Variants in TBC1D4 observed in about 807,000 individuals in gnomAD.
TBC1D4 encodes TBC1 domain family member 4.
TBC1D4 carries 121 observed loss-of-function variants against 142.5 expected under a neutral mutation model. The observed-to-expected ratio is 0.85, with a 90% CI of 0.73 to 0.99. TBC1D4 has a LOEUF of 0.99. Ranked by LOEUF, TBC1D4 falls within the 50% of genes least tolerant of loss-of-function variation. The pLI is 0.00. For synonymous variants in TBC1D4, 630 were observed against 628.2 expected (o/e 1.00, Z -0.04); for missense variants, 1,475 against 1,606.6 (o/e 0.92, Z 1.40).
chr13:75,432,755 T>C (rs1385655036), intron 1 of TBC1D4, among the ~76,000 whole-genome samples: 1 of 152,144 alleles, frequency 6.6e-6, no homozygotes, highest in Non-Finnish European at 1.5e-5. Context: ...ATCTTCATCT[T>C]ATAAATGAGT....
intron 1 of TBC1D4, among the ~76,000 whole-genome samples, chr13:75,426,327 T>C (rs1192401667): frequency 1.3e-5 from 2 of 152,200 alleles, no homozygotes; most frequent in African/African-American, 4.8e-5. Flanking sequence ...AAAAATCCTT[T>C]TTGATAATGT....
At chr13:75,441,754 C>T (rs1435038981) in intron 1 of TBC1D4, among the ~76,000 whole-genome samples, 1 of 152,212 alleles carries the variant, frequency 6.6e-6, no homozygotes, top group Admixed American at 6.5e-5. Context: ...AACCCTTCAG[C>T]CTTCCCCAGT....
At chr13:75,292,052 T>C in intron 19 of TBC1D4, 50 bp downstream of exon 19, 1 of 1,468,014 alleles carries the variant, frequency 6.8e-7, no homozygotes, top group Non-Finnish European at 9.4e-7. Context: ...ATTTAATATA[T>C]ATTCAGTAGA....
At chr13:75,319,955 G>A (rs1373591426) in intron 12 of TBC1D4, 59 bp downstream of exon 12, 25 of 1,575,424 alleles carry the variant, frequency 1.6e-5, no homozygotes, top group Non-Finnish European at 2.2e-5. Flanking sequence ...TAAGGATGAT[G>A]TTCAGTTGGA....
At chr13:75,300,652 C>T (rs1434951112) in intron 16 of TBC1D4, among the ~76,000 whole-genome samples, 2 of 152,166 alleles carry the variant, frequency 1.3e-5, no homozygotes, top group Non-Finnish European at 2.9e-5. Flanking sequence ...TATGGTTTTA[C>T]TTTCTCACTT....
Position 75,299,226 on chromosome 13 carries a change from C to A in TBC1D4, c.3156+104G>T, listed in dbSNP as rs1876258716. ...CCCAATCTTTACCCAAGTTCTAAGACAATGGCTCTACATTTCTTTAAATCT... is the reference window on the plus strand; with the variant it reads ...CCCAATCTTTACCCAAGTTCTAAGAAAATGGCTCTACATTTCTTTAAATCT... On this transcript the variant is annotated intron_variant, in intron 17 of 20. Coordinates refer to ENST00000377636, the MANE Select transcript of TBC1D4 (RefSeq NM_014832.5). The A allele has an allele frequency of 4.4e-6, 7 of 1,576,514 alleles. No individual in the cohort carries two copies. In the South Asian group the frequency reaches 5.7e-5, roughly 13 times the overall value.
chr13:75,344,562 G>A (rs909201075), intron 5 of TBC1D4, among the ~76,000 whole-genome samples: 12 of 151,948 alleles, frequency 7.9e-5, no homozygotes, highest in South Asian at 2.1e-4. Context: ...TAGGATAATC[G>A]GTCTATCTCG....
intron 8 of TBC1D4, 36 bp from the exon 9 acceptor site, chr13:75,327,862 A>T: frequency 6.2e-7 from 1 of 1,606,592 alleles, no homozygotes; most frequent in Non-Finnish European, 8.5e-7. Context: ...GCTTCGTGTG[A>T]TTTAAAATTT....
Position 75,310,128 on chromosome 13 carries a change from G to A in TBC1D4, c.2407C>T (p.Leu803=). 6.2e-7 allele frequency: 1 copy of A among 1,613,890 alleles called. No individual in the cohort carries two copies. The highest frequency in any genetic ancestry group is 8.5e-7 in the Non-Finnish European group (1 of 1,179,904). ...QQDGLDRNEL[L]PLSPLSPTME... ...GTTGGAGAGAGGGGGGACAGTGGCAGCAGCTCGTTCCTGTCCAATCCATCT... is the reference window on the plus strand; with the variant it reads ...GTTGGAGAGAGGGGGGACAGTGGCAACAGCTCGTTCCTGTCCAATCCATCT... The change falls in exon 14 of 21, where the codon CTG becomes TTG. Residue 803 remains leucine, a synonymous_variant. Transcript: ENST00000377636.
In TBC1D4 at chr13:75,481,479, G is replaced by A. The variant is rs763400059; in HGVS notation, c.289C>T (p.Pro97Ser). ...GTGCCCCCCGAGGCCCCAGCGCCCG[G>A]CGCGGGGACGCAACGCAGGAAGGGC... The part of the protein sequence containing the change: ...SAPFLRCVPA[P>S]GAGASGGTSP... Residue 97 changes from proline to serine, a missense_variant, in exon 1 of 21, where the codon CCG becomes TCG. By Grantham distance (74) the Pro-to-Ser change is moderately conservative (BLOSUM62 -1). This residue lies in a region of TBC1D4 where 1,227 missense variants were observed against 1,267.7 expected (regional missense o/e 0.97). Coordinates refer to ENST00000377636, the MANE Select transcript of TBC1D4 (RefSeq NM_014832.5). The A allele has an allele frequency of 1.2e-6, 2 of 1,613,186 alleles. No individual in the cohort carries two copies. The highest frequency in any genetic ancestry group is 1.7e-6 in the Non-Finnish European group (2 of 1,179,494).
At position 75,362,421 on chromosome 13, in the gene TBC1D4, A is replaced by G. The variant is rs1882609600; in HGVS notation, c.685T>C (p.Phe229Leu). 6.2e-7 allele frequency: 1 copy of G among 1,614,114 alleles called. No homozygotes were observed. Among genetic ancestry groups the G allele is most frequent in the Non-Finnish European group, 8.5e-7 (1 of 1,180,012 alleles). The part of the protein sequence containing the change: ...SSLIDDCMEK[F>L]SLHEQQRLKI... ...AGGCGCTGCTGTTCGTGCAGGCTGA[A>G]CTTCTCCATGCAGTCATCGATGAGG... The change falls in exon 2 of 21, where the codon TTC becomes CTC. Residue 229 changes from phenylalanine (F) to leucine (L), a missense_variant. Transcript: ENST00000377636. This position sits in a 1 kb window ranked among gnomAD's most constrained non-coding sequence, Gnocchi z 4.2.
chr13:75,302,508 G>A (rs1876683225), intron 15 of TBC1D4, 107 bp from the exon 16 acceptor site: 1 of 1,270,478 alleles, frequency 7.9e-7, no homozygotes, highest in Non-Finnish European at 1.1e-6. Flanking sequence ...TGTATGTACT[G>A]CATGCCACCC....
intron 1 of TBC1D4, among the ~76,000 whole-genome samples, chr13:75,387,536 T>A (rs548588601): frequency 6.6e-6 from 1 of 152,256 alleles, no homozygotes; most frequent in South Asian, 2.1e-4. Context: ...CACTGAATTA[T>A]GCAAATTTTG....
chr13:75,358,496 A>T (rs1882244221), intron 3 of TBC1D4, among the ~76,000 whole-genome samples: 2 of 152,176 alleles, frequency 1.3e-5, no homozygotes, highest in African/African-American at 4.8e-5. Flanking sequence ...TATAATATAA[A>T]GTATATTAAA....
intron 1 of TBC1D4, among the ~76,000 whole-genome samples, chr13:75,367,633 G>A (rs191669618): frequency 7.9e-5 from 12 of 152,238 alleles, no homozygotes; most frequent in Admixed American, 6.5e-4. Flanking sequence ...GAGACAGTAT[G>A]GAAAAGAAAT....
chr13:75,451,466 CAT>C (rs534741318), intron 1 of TBC1D4, among the ~76,000 whole-genome samples: 155 of 149,290 alleles, frequency 1.0e-3, no homozygotes, highest in Non-Finnish European at 1.9e-3. Flanking sequence ...AAATATATAA[CAT>C]ATATATTAAT....
chr13:75,336,792 A>T, intron 8 of TBC1D4, 129 bp downstream of exon 8: 1 of 1,193,600 alleles, frequency 8.4e-7, no homozygotes. Flanking sequence ...AATAATTTTT[A>T]AAAGTTATCT....
intron 1 of TBC1D4, among the ~76,000 whole-genome samples, chr13:75,412,612 C>A (rs1885727551): frequency 6.6e-6 from 1 of 152,018 alleles, no homozygotes; most frequent in Non-Finnish European, 1.5e-5. Flanking sequence ...GCTAAAATAC[C>A]TTTTTACCGT....
chr13:75,323,603 C>G (rs1475912058), intron 11 of TBC1D4, among the ~76,000 whole-genome samples: 3 of 151,944 alleles, frequency 2.0e-5, no homozygotes, highest in African/African-American at 7.2e-5. Context: ...GGGATAAAAA[C>G]AAAACAAAAT....
Sources: allele counts gnomAD v4.1 joint callset (sites outside exome capture counted in the v4.1 genomes callset), GRCh38; gene constraint gnomAD v4.1.1; regional missense constraint gnomAD v4.1.1; non-coding constraint Gnocchi (gnomAD v3.1); transcripts MANE v1.5; gene names NCBI Gene and HGNC (gene_info 2026-07-23, HGNC 2026-07-21).